Variants in SLC35F4 observed in about 807,000 individuals in gnomAD.
SLC35F4 encodes solute carrier family 35 member F4.
SLC35F4 carries 24 observed loss-of-function variants against 44.2 expected under a neutral mutation model. The ratio of observed to expected loss-of-function variants is 0.54; its 90% CI spans 0.39 to 0.76. The LOEUF (loss-of-function observed/expected upper bound fraction) is 0.76. Among genes scored for constraint, SLC35F4 ranks in the 30% least tolerant of loss-of-function variants. SLC35F4 has a pLI of 0.00. For missense variants in SLC35F4, 562 were observed against 586.1 expected, an observed-to-expected ratio of 0.96 and a Z score of 0.42; for synonymous variants, 238 against 223.6, an observed-to-expected ratio of 1.06 and a Z score of -0.57.
intron 1 of SLC35F4, among the ~76,000 whole-genome samples, chr14:57,614,694 G>C (rs1378555604): frequency 6.6e-6 from 1 of 152,188 alleles, no homozygotes; most frequent in East Asian, 1.9e-4. Flanking sequence ...ACAGTAGAGG[G>C]AAATGGCAGA....
intron 1 of SLC35F4, among the ~76,000 whole-genome samples, chr14:57,751,538 G>C (rs2076883946): frequency 6.6e-6 from 1 of 152,182 alleles, no homozygotes; most frequent in South Asian, 2.1e-4. Context: ...GAATATCTCA[G>C]AAAAGGCAAC....
intron 2 of SLC35F4, among the ~76,000 whole-genome samples, chr14:57,589,975 G>A (rs1417253537): frequency 1.2e-4 from 18 of 152,158 alleles, no homozygotes; most frequent in Non-Finnish European, 5.9e-5. Context: ...CCAAATAGAA[G>A]GTGTTCTTTC....
At chr14:57,672,576 A>G (rs540130145) in intron 1 of SLC35F4, among the ~76,000 whole-genome samples, 1 of 152,236 alleles carries the variant, frequency 6.6e-6, no homozygotes, top group Admixed American at 6.5e-5. Flanking sequence ...CTACCGCTAT[A>G]TGATTATAAA....
intron 1 of SLC35F4, among the ~76,000 whole-genome samples, chr14:57,873,251 C>T (rs1888331715): frequency 6.6e-6 from 1 of 152,198 alleles, no homozygotes; most frequent in South Asian, 2.1e-4. Context: ...CTTGCTGGCA[C>T]CTCTCCAGTT....
At chr14:57,705,074 A>G (rs1380513590) in intron 1 of SLC35F4, among the ~76,000 whole-genome samples, 1 of 152,192 alleles carries the variant, frequency 6.6e-6, no homozygotes, top group Non-Finnish European at 1.5e-5. Context: ...ATTGCGCAAT[A>G]CTATATCCAG....
chr14:57,927,669 T>G (rs1317453663), intron 1 of SLC35F4, among the ~76,000 whole-genome samples: 3 of 152,020 alleles, frequency 2.0e-5, no homozygotes, highest in Non-Finnish European at 4.4e-5. Context: ...TTTTGTGTTT[T>G]TAGTAGAGAC....
At chr14:57,712,548 T>C (rs1350513148) in intron 1 of SLC35F4, among the ~76,000 whole-genome samples, 1 of 152,208 alleles carries the variant, frequency 6.6e-6, no homozygotes, top group Non-Finnish European at 1.5e-5. Context: ...ATATTTTCTA[T>C]GTGAAGTCTC....
At chr14:57,670,996 C>T (rs2074500966) in intron 1 of SLC35F4, among the ~76,000 whole-genome samples, 1 of 150,616 alleles carries the variant, frequency 6.6e-6, no homozygotes, top group Admixed American at 6.6e-5. Flanking sequence ...CCTCCGCCTC[C>T]CGGGTTCAAG....
intron 1 of SLC35F4, among the ~76,000 whole-genome samples, chr14:57,789,211 G>C (rs2077848750): frequency 6.6e-6 from 1 of 152,124 alleles, no homozygotes; most frequent in African/African-American, 2.4e-5. Context: ...GAATCCAGGA[G>C]CTGGTTTTTT....
intron 3 of SLC35F4, among the ~76,000 whole-genome samples, chr14:57,582,289 A>G (rs530790641): frequency 6.6e-5 from 10 of 152,132 alleles, no homozygotes; most frequent in African/African-American, 2.4e-4. Context: ...TCCGCCTCCC[A>G]GACTCGAGCC....
intron 2 of SLC35F4, among the ~76,000 whole-genome samples, chr14:57,590,077 C>CTT (rs112429463): frequency 3.6e-4 from 50 of 138,910 alleles, no homozygotes; most frequent in Admixed American, 9.4e-4. Flanking sequence ...TTCCATTTTC[C>CTT]TTTTTTTTTT....
At chr14:57,782,379 C>CAA (rs76733800) in intron 1 of SLC35F4, among the ~76,000 whole-genome samples, 1,557 of 138,848 alleles carry the variant, frequency 0.011, 27 homozygotes, top group African/African-American at 0.038. Flanking sequence ...CTAGAAATAT[C>CAA]AAAAAAAAAA....
At chr14:57,570,248 A>C (rs1284625087) in intron 5 of SLC35F4, among the ~76,000 whole-genome samples, 2 of 152,220 alleles carry the variant, frequency 1.3e-5, no homozygotes, top group African/African-American at 4.8e-5. Context: ...TGCCACCATC[A>C]GTGATGGGTA....
intron 1 of SLC35F4, among the ~76,000 whole-genome samples, chr14:57,945,439 ATGTGTGTGTGTGTGTGTGTGTG>A (rs58976756): frequency 0.013 from 1,346 of 104,754 alleles, 101 homozygotes; most frequent in African/African-American, 0.061. Flanking sequence ...AGCAATGATA[ATGTGTGTGTGTGTGTGTGTGTG>A]TGTGTGTGTG....
Position 57,739,113 on chromosome 14 carries a change from C to T in SLC35F4, c.103+126610G>A, listed in dbSNP as rs899967343. On this transcript the variant is annotated intron_variant, in intron 1 of 7. Transcript: ENST00000556826. The stretch of plus-strand genomic sequence containing the variant: ...AACATTCATGGCTTATGCATGCTGC[C>T]AAGAGGTGTAACTTTTGGTGTCCAA... 4.6e-5 allele frequency among the ~76,000 whole-genome samples: 7 copies of T among 152,180 alleles called. 1 individual carries two copies. Among genetic ancestry groups the T allele is most frequent in the African/African-American group, 1.7e-4 (7 of 41,526 alleles).
intron 1 of SLC35F4, among the ~76,000 whole-genome samples, chr14:57,966,051 T>C (rs1392084334): frequency 6.6e-6 from 1 of 152,212 alleles, no homozygotes; most frequent in African/African-American, 2.4e-5. Flanking sequence ...ATCAGAATCC[T>C]CTGACACATT....
intron 1 of SLC35F4, among the ~76,000 whole-genome samples, chr14:57,669,938 C>T (rs1362028745): frequency 9.2e-5 from 14 of 152,012 alleles, no homozygotes; most frequent in East Asian, 3.9e-4. Flanking sequence ...TGGTAGAATT[C>T]GGCTATGAAT....
intron 1 of SLC35F4, among the ~76,000 whole-genome samples, chr14:57,677,734 G>A (rs573556318): frequency 3.9e-5 from 6 of 151,978 alleles, no homozygotes; most frequent in South Asian, 2.1e-4. Context: ...AAATGAAAGG[G>A]TAAATGATAC....
chr14:57,944,735 GAAA>G (rs1889986665), intron 1 of SLC35F4, among the ~76,000 whole-genome samples: 1 of 129,924 alleles, frequency 7.7e-6, no homozygotes, highest in African/African-American at 2.9e-5. Flanking sequence ...AAGAAAGAAA[GAAA>G]GAAAGAAAGA....
Sources: allele counts gnomAD v4.1 joint callset (sites outside exome capture counted in the v4.1 genomes callset), GRCh38; gene constraint gnomAD v4.1.1; transcripts MANE v1.5; gene names NCBI Gene and HGNC (gene_info 2026-07-23, HGNC 2026-07-21).